Variants in SH3GL1 observed in about 807,000 individuals in gnomAD.
The protein encoded by SH3GL1 is SH3 domain containing GRB2 like 1, endophilin A2.
A neutral mutation model predicts 48.8 loss-of-function variants in SH3GL1; 21 were observed. The ratio of observed to expected loss-of-function variants is 0.43; its 90% CI spans 0.30 to 0.62. The LOEUF is 0.62. Ranked by LOEUF, SH3GL1 falls within the 20% of genes least tolerant of loss-of-function variation. The pLI is 0.11. For synonymous variants in SH3GL1, 282 were observed against 217.5 expected, an observed-to-expected ratio of 1.30 and a Z score of -2.61; for missense variants, 454 against 503.0, an observed-to-expected ratio of 0.90 and a Z score of 0.93.
rs989842572 is a variant in SH3GL1, at chr19:4,369,552, G to A, written c.46-2558C>T. ...CAGGAGGAGAGGCCCTACCGGCGAG[G>A]ACCACATCCTGCCTCTGAGGGGAGG... On this transcript the variant is annotated intron_variant, in intron 1 of 9. Transcript: ENST00000269886. Among the ~76,000 whole-genome samples, 105 of 152,280 alleles carry A rather than the reference G, an allele frequency of 6.9e-4. 1 individual carries two copies. Among genetic ancestry groups the A allele is most frequent in the Admixed American group, 3.3e-3 (51 of 15,304 alleles).
intron 1 of SH3GL1, among the ~76,000 whole-genome samples, chr19:4,394,714 C>A (rs1051629007): frequency 6.6e-6 from 1 of 152,200 alleles, no homozygotes; most frequent in South Asian, 2.1e-4. Flanking sequence ...CACTCTCTCC[C>A]GCATCCTCCC....
chr19:4,378,075 G>A (rs942727118), intron 1 of SH3GL1, among the ~76,000 whole-genome samples: 2 of 152,222 alleles, frequency 1.3e-5, no homozygotes, highest in Non-Finnish European at 2.9e-5. Context: ...GCAGGGCCAG[G>A]CACAGGGACA....
chr19:4,369,123 G>C (rs1972844392), intron 1 of SH3GL1, among the ~76,000 whole-genome samples: 1 of 152,148 alleles, frequency 6.6e-6, no homozygotes, highest in Admixed American at 6.5e-5. Context: ...CACCGCGGGA[G>C]GGCTGACTCT....
Position 4,400,308 on chromosome 19 carries a change from C to G in SH3GL1, c.45+16G>C, listed in dbSNP as rs752368787. On this transcript the variant is annotated intron_variant, in intron 1 of 9. Coordinates refer to ENST00000269886, the MANE Select transcript of SH3GL1 (RefSeq NM_003025.4). This position sits in a 1 kb window ranked among gnomAD's most constrained non-coding sequence, Gnocchi z 4.1. ...CCGGGGCCCGGTACTCGGCTCCCGC[C>G]TGGGCCTGCGCTCACCTGGCTCGCC... The G allele has an allele frequency of 6.3e-7, 1 of 1,597,372 alleles. No homozygotes were observed. The highest frequency in any genetic ancestry group is 2.3e-5 in the East Asian group (1 of 43,054).
rs1170709100 is a variant in SH3GL1 at position 4,400,153 on chromosome 19, G to A, written c.45+171C>T. 6.6e-6 allele frequency among the ~76,000 whole-genome samples: 1 copy of A among 152,156 alleles called. No individual in the cohort carries two copies. Among genetic ancestry groups the A allele is most frequent in the Non-Finnish European group, 1.5e-5 (1 of 68,008 alleles). ...GGAGCCCGCATGGCGGGCAGGGCCT[G>A]GGCCACCTCGTCGCCCCCGTCCGTC... On this transcript the variant is annotated intron_variant, in intron 1 of 9. Coordinates refer to ENST00000269886, the MANE Select transcript of SH3GL1 (RefSeq NM_003025.4). The surrounding 1 kb of genome is among the most constrained non-coding windows in gnomAD (Gnocchi z 4.1).
At chr19:4,379,529 T>G (rs574433822) in intron 1 of SH3GL1, among the ~76,000 whole-genome samples, 1 of 151,964 alleles carries the variant, frequency 6.6e-6, no homozygotes, top group African/African-American at 2.4e-5. Context: ...ACACACCTGC[T>G]GCTGTCTCAC....
rs907042901 is a variant in SH3GL1 at position 4,386,951 on chromosome 19, T to C, written c.45+13373A>G. ...CCTTCTGTATTTCTTTTTCTTTTTC[T>C]TTTGAGATGGAGTCTTGCTCTGTCG... On this transcript the variant is annotated intron_variant, in intron 1 of 9. Coordinates refer to ENST00000269886, the MANE Select transcript of SH3GL1 (RefSeq NM_003025.4). Among the ~76,000 whole-genome samples the C allele has an allele frequency of 2.0e-5, 3 of 152,222 alleles. No individual in the cohort carries two copies. The South Asian group carries it at 6.2e-4, about 32-fold the overall frequency.
intron 4 of SH3GL1, 135 bp from the exon 5 acceptor site, chr19:4,364,356 T>A (rs948177354): frequency 2.6e-6 from 3 of 1,159,948 alleles, no homozygotes; most frequent in Non-Finnish European, 3.7e-6. Flanking sequence ...ACTGCAGGCC[T>A]CAAACTGGGC....
In SH3GL1 at chr19:4,362,363, G is replaced by C. The variant is rs200126906; in HGVS notation, c.876C>G (p.Ser292=). ...KIAASSSFRS[S]DKPIRTPSRS... ...GGCTAGGGGTCCGGATGGGCTTGTC[G>C]GAAGATCGGAAAGACGATGAAGCTA... Residue 292 remains serine, a synonymous_variant, in exon 9 of 10, where the codon TCC becomes TCG. Coordinates refer to ENST00000269886, the MANE Select transcript of SH3GL1 (RefSeq NM_003025.4). 1.3e-5 allele frequency: 21 copies of C among 1,612,054 alleles called. No individual in the cohort carries two copies. The East Asian group carries it at 4.7e-4, about 36-fold the overall frequency.
At chr19:4,363,943 G>C in intron 5 of SH3GL1, 65 bp from the exon 6 acceptor site, 1 of 1,608,306 alleles carries the variant, frequency 6.2e-7, no homozygotes, top group South Asian at 1.1e-5. Context: ...GCATGGCTTT[G>C]ACCCACTGTC....
chr19:4,363,652 C>A (rs1235627133), intron 6 of SH3GL1, 68 bp downstream of exon 6: 1 of 1,595,550 alleles, frequency 6.3e-7, no homozygotes, highest in Admixed American at 1.7e-5. Context: ...CTCCAGCTCC[C>A]TTGAGGCACC....
chr19:4,366,526 G>A lies in SH3GL1; in HGVS notation c.162C>T (p.Thr54=), dbSNP rs1240043612. 1.9e-6 allele frequency: 3 copies of A among 1,611,612 alleles called. No homozygotes were observed. In the South Asian group the frequency reaches 3.3e-5, roughly 18 times the overall value. ...SKAVTEVLAR[T]IEYLQPNPAS... ...CTGGGTTGGGCTGCAGGTACTCGAT[G>A]GTCCTGGCCAGCACTTCTGTCACCG... Residue 54 remains threonine (T), a synonymous_variant, in exon 3 of 10, where the codon ACC becomes ACT. Coordinates refer to ENST00000269886, the MANE Select transcript of SH3GL1 (RefSeq NM_003025.4).
chr19:4,386,786 C>A (rs995150946), intron 1 of SH3GL1, among the ~76,000 whole-genome samples: 1 of 152,078 alleles, frequency 6.6e-6, no homozygotes, highest in African/African-American at 2.4e-5. Flanking sequence ...TCCTAAGAGG[C>A]GAGACTGCAG....
intron 1 of SH3GL1, among the ~76,000 whole-genome samples, chr19:4,393,574 C>T (rs763854105): frequency 4.6e-5 from 7 of 152,082 alleles, no homozygotes; most frequent in South Asian, 2.1e-4. Context: ...AGGTGGATCA[C>T]GAGGTCAGGA....
At position 4,361,744 on chromosome 19, in the gene SH3GL1, G is replaced by T; in HGVS notation, c.963C>A (p.Asn321Lys). ...CKALYDFEPE[N>K]DGELGFHEGD... Reference sequence around the variant, plus strand: ...CCTCATGGAAGCCCAGCTCCCCGTCGTTCTCGGGCTCGAAGTCGTACAGCG... The same window carrying T: ...CCTCATGGAAGCCCAGCTCCCCGTCTTTCTCGGGCTCGAAGTCGTACAGCG... The change falls in exon 10 of 10, where the codon AAC becomes AAA. Residue 321 changes from asparagine (N) to lysine (K), a missense_variant. This residue lies in a region of SH3GL1 where 278 missense variants were observed against 246.8 expected (regional missense o/e 1.13). Transcript: ENST00000269886. 5 of 1,612,714 alleles carry T rather than the reference G, an allele frequency of 3.1e-6. No homozygotes were observed. Among genetic ancestry groups the T allele is most frequent in the Non-Finnish European group, 4.2e-6 (5 of 1,179,860 alleles).
chr19:4,386,111 G>C (rs1415961245), intron 1 of SH3GL1, among the ~76,000 whole-genome samples: 1 of 152,226 alleles, frequency 6.6e-6, no homozygotes, highest in East Asian at 1.9e-4. Context: ...AGGTCCCTGG[G>C]CTGCCCTCTT....
chr19:4,375,286 G>A (rs961683061), intron 1 of SH3GL1, among the ~76,000 whole-genome samples: 2 of 152,190 alleles, frequency 1.3e-5, no homozygotes, highest in Admixed American at 6.5e-5. Flanking sequence ...TGATAAACAG[G>A]ACAGCTAAGG....
In SH3GL1 at chr19:4,384,248, A is replaced by C. The variant is rs566694238; in HGVS notation, c.45+16076T>G. On this transcript the variant is annotated intron_variant, in intron 1 of 9. Transcript: ENST00000269886. ...AGAGCTGATGGCGCAGGAGCCCCCC[A>C]GTTCATCCCGCTCCGGACCACACAG... 2.0e-4 allele frequency among the ~76,000 whole-genome samples: 30 copies of C among 152,278 alleles called. 1 individual carries two copies. Among genetic ancestry groups the C allele is most frequent in the Admixed American group, 8.5e-4 (13 of 15,298 alleles).
chr19:4,385,418 G>GT (rs1973217935), intron 1 of SH3GL1, among the ~76,000 whole-genome samples: 1 of 152,236 alleles, frequency 6.6e-6, no homozygotes, highest in Non-Finnish European at 1.5e-5. Context: ...TCTGAATGCA[G>GT]TAAGAGGCAA....
Sources: allele counts gnomAD v4.1 joint callset (sites outside exome capture counted in the v4.1 genomes callset), GRCh38; gene constraint gnomAD v4.1.1; regional missense constraint gnomAD v4.1.1; non-coding constraint Gnocchi (gnomAD v3.1); transcripts MANE v1.5; gene names NCBI Gene and HGNC (gene_info 2026-07-23, HGNC 2026-07-21).